UBE2K: variants seen among roughly 807,000 people sequenced by gnomAD.
UBE2K encodes ubiquitin-conjugating enzyme E2 K.
A neutral mutation model predicts 30.0 loss-of-function variants in UBE2K; 6 were observed. That is an observed-to-expected ratio of 0.20 (90% confidence interval 0.11 to 0.39). The LOEUF is 0.39. UBE2K is among the 10% of genes least tolerant of loss of function. UBE2K has a pLI of 1.00. For synonymous variants in UBE2K, 86 were observed against 83.7 expected, an observed-to-expected ratio of 1.03 and a Z score of -0.15; for missense variants, 61 against 241.6, an observed-to-expected ratio of 0.25 and a Z score of 4.96.
chr4:39,719,320 T>C (rs529310704), intron 1 of UBE2K, among the ~76,000 whole-genome samples: 1 of 152,354 alleles, frequency 6.6e-6, no homozygotes, highest in African/African-American at 2.4e-5. Flanking sequence ...TTGTCAGACT[T>C]CATGAGAGCA....
At chr4:39,742,439 A>G (rs914006708) in intron 2 of UBE2K, among the ~76,000 whole-genome samples, 3 of 152,046 alleles carry the variant, frequency 2.0e-5, no homozygotes, top group African/African-American at 7.2e-5. Flanking sequence ...ATGGGATTCT[A>G]TTAAAAAGAA....
intron 4 of UBE2K, chr4:39,770,920 A>G (rs1578505320): frequency 6.8e-7 from 1 of 1,466,768 alleles, no homozygotes; most frequent in Non-Finnish European, 9.4e-7. Context: ...AGTGGAGGGG[A>G]TAGAGGAGGT....
At chr4:39,762,758 C>T (rs1712040503) in intron 4 of UBE2K, among the ~76,000 whole-genome samples, 1 of 152,062 alleles carries the variant, frequency 6.6e-6, no homozygotes, top group South Asian at 2.1e-4. Context: ...CCTCATCCTC[C>T]TGAGTAGCTG....
intron 3 of UBE2K, among the ~76,000 whole-genome samples, chr4:39,747,331 G>A (rs143429414): frequency 1.6e-4 from 25 of 152,130 alleles, no homozygotes; most frequent in Middle Eastern, 6.8e-3. Context: ...CTGAAACTTC[G>A]TACCCATTAA....
chr4:39,773,361 G>A lies in UBE2K; in HGVS notation c.300-1473G>A, dbSNP rs370579077. Among the ~76,000 whole-genome samples the A allele has an allele frequency of 1.6e-4, 24 of 152,066 alleles. No individual in the cohort carries two copies. In the South Asian group the frequency reaches 5.0e-3, roughly 32 times the overall value. ...CATGTGCCTGTAGTCCCAGCTACTT[G>A]TGAGGCTGAGGCAGGAGAATTGCTT... On this transcript the variant is annotated intron_variant, in intron 4 of 6. Coordinates refer to ENST00000261427, the MANE Select transcript of UBE2K (RefSeq NM_005339.5).
chr4:39,705,825 G>A (rs2109305420), intron 1 of UBE2K, among the ~76,000 whole-genome samples: 1 of 149,720 alleles, frequency 6.7e-6, no homozygotes, highest in East Asian at 2.0e-4. Context: ...GGGATCCCGG[G>A]ATTACAGGCA....
intron 1 of UBE2K, among the ~76,000 whole-genome samples, chr4:39,732,005 A>T (rs1008539618): frequency 6.6e-6 from 1 of 152,144 alleles, no homozygotes; most frequent in Non-Finnish European, 1.5e-5. Flanking sequence ...AGCATTTTTT[A>T]AAAAATAAAT....
rs1713472431 is a variant in UBE2K at position 39,779,385 on chromosome 4, G to GT, written c.*954dup. The GT allele has an allele frequency of 6.6e-6, 1 of 152,664 alleles. No homozygotes were observed. The highest frequency in any genetic ancestry group is 1.9e-4 in the East Asian group (1 of 5,192). 9.5% of individuals were successfully genotyped at this position (152,664 alleles called of 1,614,324 possible). A position where few individuals can be genotyped will look rare whatever the true frequency, so the allele number is the denominator to read the frequency against. Reference sequence around the variant, plus strand: ...AGAACTGGCAAGGATGCAGTCAGCTGTTTGCAGTTTTTAGCCTGATTTTGG... The same window carrying GT: ...AGAACTGGCAAGGATGCAGTCAGCTGTTTTGCAGTTTTTAGCCTGATTTTGG... On this transcript the variant is annotated 3_prime_UTR_variant, in exon 7 of 7. Transcript: ENST00000261427.
intron 3 of UBE2K, among the ~76,000 whole-genome samples, chr4:39,751,547 C>T (rs933000985): frequency 2.0e-5 from 3 of 152,086 alleles, no homozygotes; most frequent in African/African-American, 7.2e-5. Flanking sequence ...GGAGTGATGG[C>T]GCACGCCTGT....
At chr4:39,721,773 T>C (rs943755775) in intron 1 of UBE2K, among the ~76,000 whole-genome samples, 19 of 152,180 alleles carry the variant, frequency 1.2e-4, no homozygotes, top group African/African-American at 4.3e-4. Flanking sequence ...TACCAAAAAC[T>C]TGAGCATGCA....
intron 2 of UBE2K, among the ~76,000 whole-genome samples, chr4:39,741,270 CA>C (rs760055110): frequency 0.012 from 1,719 of 141,600 alleles, 17 homozygotes; most frequent in Non-Finnish European, 0.018. Flanking sequence ...GACTGCATCT[CA>C]AAAAAAAAAA....
chr4:39,711,303 C>T (rs1294768963), intron 1 of UBE2K, among the ~76,000 whole-genome samples: 1 of 151,176 alleles, frequency 6.6e-6, no homozygotes, highest in African/African-American at 2.4e-5. Context: ...TCTGGGACTA[C>T]AGGCGCCCGC....
At chr4:39,741,533 C>G (rs1186632449) in intron 2 of UBE2K, among the ~76,000 whole-genome samples, 1 of 152,082 alleles carries the variant, frequency 6.6e-6, no homozygotes, top group African/African-American at 2.4e-5. Context: ...AAAATCTAAA[C>G]TTAAATGCTA....
chr4:39,749,916 C>T (rs561082677), intron 3 of UBE2K, among the ~76,000 whole-genome samples: 18 of 152,110 alleles, frequency 1.2e-4, no homozygotes, highest in Middle Eastern at 3.4e-3. Context: ...AAATAAGATA[C>T]GGCCAGGCGC....
intron 1 of UBE2K, among the ~76,000 whole-genome samples, chr4:39,735,982 T>C (rs184479826): frequency 2.7e-4 from 41 of 149,206 alleles, no homozygotes; most frequent in African/African-American, 9.9e-4. Context: ...TACTAAAAAA[T>C]ATTTAACATA....
chr4:39,703,409 G>C (rs1217192895), intron 1 of UBE2K, among the ~76,000 whole-genome samples: 1 of 152,104 alleles, frequency 6.6e-6, no homozygotes, highest in Non-Finnish European at 1.5e-5. Flanking sequence ...AGCTACTCGG[G>C]AGGCCGAGGC....
chr4:39,733,401 C>T (rs1720187303), intron 1 of UBE2K, among the ~76,000 whole-genome samples: 1 of 146,632 alleles, frequency 6.8e-6, no homozygotes, highest in Non-Finnish European at 1.5e-5. Flanking sequence ...GGTGCAATCT[C>T]GGCTCACTGC....
At chr4:39,771,393 G>A (rs1712821630) in intron 4 of UBE2K, 9 of 1,611,820 alleles carry the variant, frequency 5.6e-6, no homozygotes, top group Non-Finnish European at 7.6e-6. Context: ...TAGCGGCCTA[G>A]TGGCCGGGCA....
Position 39,778,442 on chromosome 4 carries a change from A to G in UBE2K, c.*8A>G, listed in dbSNP as rs1367990180. 27 of 1,594,434 alleles carry G rather than the reference A, an allele frequency of 1.7e-5. No individual in the cohort carries two copies. The highest frequency in any genetic ancestry group is 3.4e-5 in the Admixed American group (2 of 59,236). ...TTGCTTCTGAGTAACTGAGGCATAG[A>G]GAGCTGCTGATATAGTCAAGCTTGC... On this transcript the variant is annotated 3_prime_UTR_variant, in exon 7 of 7. Coordinates refer to ENST00000261427, the MANE Select transcript of UBE2K (RefSeq NM_005339.5).
Sources: gnomAD v4.1 joint callset for allele counts (sites outside exome capture counted in the v4.1 genomes callset) on GRCh38, gnomAD v4.1.1 for gene constraint, MANE v1.5 for transcripts, NCBI Gene and HGNC (gene_info 2026-07-23, HGNC 2026-07-21) for gene names.